Variants in RAB22A observed in about 807,000 individuals in gnomAD.
RAB22A encodes the protein ras-related protein Rab-22A.
A neutral mutation model predicts 30.2 loss-of-function variants in RAB22A; 13 were observed. The observed-to-expected ratio is 0.43, with a 90% CI of 0.28 to 0.68. The LOEUF is 0.68. Ranked by LOEUF, RAB22A falls within the 30% of genes least tolerant of loss-of-function variation. The probability of loss-of-function intolerance (pLI) is 0.18; values close to 1 mark genes in which losing one functional copy is unlikely to be tolerated. For missense variants in RAB22A, 177 were observed against 246.8 expected (o/e 0.72, Z 1.89); for synonymous variants, 89 against 87.2 (o/e 1.02, Z -0.11).
At chr20:58,329,948 G>C (rs1025144440) in intron 2 of RAB22A, among the ~76,000 whole-genome samples, 8 of 152,174 alleles carry the variant, frequency 5.3e-5, no homozygotes, top group South Asian at 2.1e-4. Flanking sequence ...AAGTATCTGG[G>C]GGGGAAGAGT....
At chr20:58,324,749 C>T (rs1986526185) in intron 2 of RAB22A, among the ~76,000 whole-genome samples, 1 of 150,494 alleles carries the variant, frequency 6.6e-6, no homozygotes, top group African/African-American at 2.5e-5. Context: ...TGCCTGTAGT[C>T]CCAGCTACTC....
At position 58,362,689 on chromosome 20, in the gene RAB22A, G is replaced by A. The variant is rs1391778565; in HGVS notation, c.*2986G>A. 6.6e-6 allele frequency: 1 copy of A among 152,238 alleles called. No individual in the cohort carries two copies. Among genetic ancestry groups the A allele is most frequent in the East Asian group, 1.9e-4 (1 of 5,206 alleles). 9.4% of individuals were successfully genotyped at this position (152,238 alleles called of 1,614,324 possible). A position where few individuals can be genotyped will look rare whatever the true frequency, so the allele number is the denominator to read the frequency against. On this transcript the variant is annotated 3_prime_UTR_variant, in exon 7 of 7. Coordinates refer to ENST00000244040, the MANE Select transcript of RAB22A (RefSeq NM_020673.3). ...GAACATAAAGTAAGATTATGATTAA[G>A]TGTCCATCACCTGCCTGTCAGCCGT...
chr20:58,331,378 A>G (rs1390803209), intron 2 of RAB22A, among the ~76,000 whole-genome samples: 3 of 152,224 alleles, frequency 2.0e-5, no homozygotes, highest in Non-Finnish European at 4.4e-5. Context: ...CCACTTGATT[A>G]TAAGCTGTAT....
intron 2 of RAB22A, among the ~76,000 whole-genome samples, chr20:58,339,414 T>G (rs1986818276): frequency 6.6e-6 from 1 of 152,206 alleles, no homozygotes; most frequent in Non-Finnish European, 1.5e-5. Flanking sequence ...AAGCAAGATA[T>G]TAAAGTTATC....
chr20:58,323,009 C>T (rs1362282211), intron 2 of RAB22A, among the ~76,000 whole-genome samples: 1 of 152,080 alleles, frequency 6.6e-6, no homozygotes, highest in Non-Finnish European at 1.5e-5. Context: ...CACGCTAATC[C>T]CTACTGTGTT....
intron 2 of RAB22A, among the ~76,000 whole-genome samples, chr20:58,334,553 G>A (rs147288174): frequency 5.9e-4 from 89 of 151,484 alleles, no homozygotes; most frequent in Middle Eastern, 3.4e-3. Context: ...CCTGGGATAG[G>A]GACAGTAGTT....
At chr20:58,340,932 G>A (rs993536451) in intron 2 of RAB22A, among the ~76,000 whole-genome samples, 1 of 152,160 alleles carries the variant, frequency 6.6e-6, no homozygotes. Flanking sequence ...TGGGAAGGTG[G>A]ACACAGGGAC....
intron 6 of RAB22A, among the ~76,000 whole-genome samples, chr20:58,356,856 C>T (rs1447630431): frequency 1.3e-5 from 2 of 152,064 alleles, no homozygotes; most frequent in African/African-American, 4.8e-5. Context: ...TGTCAGAGTC[C>T]GAGTTGTGCG....
intron 3 of RAB22A, among the ~76,000 whole-genome samples, chr20:58,344,792 T>G (rs1986918213): frequency 6.6e-6 from 1 of 152,206 alleles, no homozygotes; most frequent in Non-Finnish European, 1.5e-5. Context: ...AAACAAGCCA[T>G]TACTGTTGTC....
intron 6 of RAB22A, among the ~76,000 whole-genome samples, chr20:58,357,570 T>C (rs1348832464): frequency 6.6e-6 from 1 of 152,240 alleles, no homozygotes; most frequent in Non-Finnish European, 1.5e-5. Flanking sequence ...TCTCCTCTTA[T>C]TTCTTTTAAA....
chr20:58,316,969 C>G (rs988626921), intron 2 of RAB22A, among the ~76,000 whole-genome samples: 1 of 152,230 alleles, frequency 6.6e-6, no homozygotes, highest in Non-Finnish European at 1.5e-5. Context: ...AAATATCCCT[C>G]CTTCTCTATT....
At chr20:58,316,660 C>G (rs538472593) in intron 2 of RAB22A, among the ~76,000 whole-genome samples, 1 of 152,304 alleles carries the variant, frequency 6.6e-6, no homozygotes, top group East Asian at 1.9e-4. Flanking sequence ...CCTACTGCAG[C>G]AGCACCAAAT....
Position 58,360,093 on chromosome 20 carries a change from A to G in RAB22A, c.*390A>G, listed in dbSNP as rs74945544. Reference sequence around the variant, plus strand: ...AAGAAACAGACCTTGTGGAGATTATAATTTCCTTGGTTTCTGTTACCACTG... The same window carrying G: ...AAGAAACAGACCTTGTGGAGATTATGATTTCCTTGGTTTCTGTTACCACTG... On this transcript the variant is annotated 3_prime_UTR_variant, in exon 7 of 7. Coordinates refer to ENST00000244040, the MANE Select transcript of RAB22A (RefSeq NM_020673.3). 8.4e-4 allele frequency: 130 copies of G among 154,246 alleles called. 2 individuals are homozygous for G. The East Asian group carries it at 0.021, about 25-fold the overall frequency. The allele number at this position is 154,246 out of a possible 1,614,324, so 9.6% of individuals were successfully genotyped here.
chr20:58,357,977 AG>A (rs1987159826), intron 6 of RAB22A, among the ~76,000 whole-genome samples: 1 of 152,252 alleles, frequency 6.6e-6, no homozygotes, highest in South Asian at 2.1e-4. Context: ...GGAAACATAA[AG>A]ATGGACAAAT....
At chr20:58,346,236 T>G (rs1268541331) in intron 3 of RAB22A, among the ~76,000 whole-genome samples, 1 of 152,238 alleles carries the variant, frequency 6.6e-6, no homozygotes, top group African/African-American at 2.4e-5. Flanking sequence ...GTCCATGACA[T>G]GTCCTCATAG....
At chr20:58,315,318 C>T (rs1440031357) in intron 2 of RAB22A, among the ~76,000 whole-genome samples, 1 of 152,162 alleles carries the variant, frequency 6.6e-6, no homozygotes, top group African/African-American at 2.4e-5. Context: ...ATGTGACCTC[C>T]AAGCCCATGC....
intron 2 of RAB22A, among the ~76,000 whole-genome samples, chr20:58,327,319 G>A (rs1253047557): frequency 6.6e-6 from 1 of 152,162 alleles, no homozygotes; most frequent in Non-Finnish European, 1.5e-5. Context: ...TGTGTATCAG[G>A]AATCCAAGTG....
At chr20:58,336,831 C>A (rs1047003883) in intron 2 of RAB22A, among the ~76,000 whole-genome samples, 1 of 152,126 alleles carries the variant, frequency 6.6e-6, no homozygotes, top group African/African-American at 2.4e-5. Flanking sequence ...CACTTGTTAC[C>A]AGCCTTCACC....
intron 6 of RAB22A, among the ~76,000 whole-genome samples, chr20:58,358,710 C>A (rs1987174007): frequency 6.6e-6 from 1 of 152,152 alleles, no homozygotes; most frequent in Non-Finnish European, 1.5e-5. Flanking sequence ...GCCTGGCCAA[C>A]ATGGCGAAAC....
Sources: allele counts gnomAD v4.1 joint callset (sites outside exome capture counted in the v4.1 genomes callset), GRCh38; gene constraint gnomAD v4.1.1; transcripts MANE v1.5; gene names NCBI Gene and HGNC (gene_info 2026-07-23, HGNC 2026-07-21).